The following ZNF492 variants were observed in gnomAD, a reference collection of about 807,000 sequenced individuals.
ZNF492 encodes the protein zinc finger protein 115 (Y20).
ZNF492 carries 3 observed loss-of-function variants against 6.4 expected under a neutral mutation model. The observed-to-expected ratio is 0.47, with a 90% CI of 0.21 to 1.22. The LOEUF (loss-of-function observed/expected upper bound fraction) is 1.22, where lower values mean the gene tolerates loss of function less well. Ranked by LOEUF, ZNF492 falls within the 50% of genes most tolerant of loss-of-function variation. ZNF492 has a pLI of 0.22. For synonymous variants in ZNF492, 112 were observed against 205.3 expected (o/e 0.55, Z 3.89); for missense variants, 356 against 612.5 (o/e 0.58, Z 4.42).
intron 1 of ZNF492, among the ~76,000 whole-genome samples, chr19:22,643,830 T>TA (rs1214425910): frequency 1.3e-5 from 2 of 152,164 alleles, no homozygotes; most frequent in Non-Finnish European, 2.9e-5. Flanking sequence ...GGGTTCAAGA[T>TA]ACATTTATGA....
intron 3 of ZNF492, among the ~76,000 whole-genome samples, chr19:22,657,842 C>G (rs929670883): frequency 2.6e-5 from 4 of 152,030 alleles, no homozygotes; most frequent in Non-Finnish European, 4.4e-5. Context: ...GTGTTTTTAT[C>G]TATAAATATG....
Position 22,634,401 on chromosome 19 carries a change from C to T in ZNF492, c.-167C>T. ...TCCTCTGGTCCTAGAGGCCCATCCTCTGTGGCCCTGTGACCTGCAGGTATT... is the reference window on the plus strand; with the variant it reads ...TCCTCTGGTCCTAGAGGCCCATCCTTTGTGGCCCTGTGACCTGCAGGTATT... On this transcript the variant is annotated 5_prime_UTR_variant, in exon 1 of 4. Coordinates refer to ENST00000456783, the MANE Select transcript of ZNF492 (RefSeq NM_020855.3). 1.5e-6 allele frequency: 2 copies of T among 1,310,762 alleles called. No individual in the cohort carries two copies. Among genetic ancestry groups the T allele is most frequent in the Admixed American group, 1.7e-5 (1 of 57,748 alleles). 81.2% of individuals were successfully genotyped at this position (1,310,762 alleles called of 1,614,324 possible).
At chr19:22,655,504 A>G (rs1971985267) in intron 3 of ZNF492, among the ~76,000 whole-genome samples, 1 of 151,912 alleles carries the variant, frequency 6.6e-6, no homozygotes, top group African/African-American at 2.4e-5. Context: ...TTTAAAGTGT[A>G]TGGAACCATA....
At chr19:22,653,803 A>G (rs1971966024) in intron 2 of ZNF492, 117 bp from the exon 3 acceptor site, 52 of 1,035,046 alleles carry the variant, frequency 5.0e-5, no homozygotes, top group Non-Finnish European at 7.0e-5. Flanking sequence ...TTTGTTGTGT[A>G]TTAGTATTTT....
chr19:22,655,828 T>G (rs1383882523), intron 3 of ZNF492, among the ~76,000 whole-genome samples: 20 of 139,474 alleles, frequency 1.4e-4, no homozygotes, highest in East Asian at 1.2e-3. Flanking sequence ...TTTTTTTTTT[T>G]TTTTTTTTTT....
chr19:22,660,601 A>G (rs1370730357), intron 3 of ZNF492, among the ~76,000 whole-genome samples: 1 of 149,772 alleles, frequency 6.7e-6, no homozygotes, highest in Non-Finnish European at 1.5e-5. Flanking sequence ...ACAGTTGTTT[A>G]TAATTTCTGT....
intron 1 of ZNF492, among the ~76,000 whole-genome samples, chr19:22,636,957 C>CTT (rs35144612): frequency 4.5e-4 from 48 of 106,496 alleles, no homozygotes; most frequent in African/African-American, 1.7e-3. Flanking sequence ...TTTAGTAAAC[C>CTT]TTTTTTTTTT....
intron 3 of ZNF492, among the ~76,000 whole-genome samples, chr19:22,660,205 T>G (rs1972044363): frequency 6.6e-6 from 1 of 152,200 alleles, no homozygotes; most frequent in South Asian, 2.1e-4. Context: ...TCTTGGTTTT[T>G]AAAATTTTTA....
At chr19:22,645,947 G>A (rs1218168167) in intron 1 of ZNF492, among the ~76,000 whole-genome samples, 1 of 152,164 alleles carries the variant, frequency 6.6e-6, no homozygotes, top group Admixed American at 6.5e-5. Flanking sequence ...CTTGAAGTCA[G>A]GTAGTGTGAT....
rs1402161335 is a variant in ZNF492 at position 22,662,668 on chromosome 19, A to G, written c.131-1132A>G. Among the ~76,000 whole-genome samples the G allele has an allele frequency of 4.0e-5, 6 of 148,948 alleles. No homozygotes were observed. In the East Asian group the frequency reaches 1.2e-3, roughly 29 times the overall value. On this transcript the variant is annotated intron_variant, in intron 3 of 3. Transcript: ENST00000456783. The stretch of plus-strand genomic sequence containing the variant: ...GTATCTCATTGTGGTTTTGATTTGC[A>G]TTTCTCGGATGGCCAGTGATGATGA...
intron 3 of ZNF492, among the ~76,000 whole-genome samples, chr19:22,659,468 T>C (rs1972032176): frequency 1.3e-5 from 2 of 151,652 alleles, no homozygotes; most frequent in Admixed American, 6.6e-5. Context: ...GAAAATGCAG[T>C]GTCAAAATAT....
chr19:22,666,195 T>TTTG lies in ZNF492; in HGVS notation c.*932_*933insGTT, dbSNP rs1972125213. The TTTG allele has an allele frequency of 6.7e-6, 1 of 148,910 alleles. No individual in the cohort carries two copies. The highest frequency in any genetic ancestry group is 1.5e-5 in the Non-Finnish European group (1 of 67,626). 9.2% of individuals were successfully genotyped at this position (148,910 alleles called of 1,614,324 possible). A position where few individuals can be genotyped will look rare whatever the true frequency, so the allele number is the denominator to read the frequency against. ...GTTTTTCTTTTTCTTCTTCTTTTTT[T>TTTG]TTTTTTTTTTAGATGGAGTCTTGCT... On this transcript the variant is annotated 3_prime_UTR_variant, in exon 4 of 4. Transcript: ENST00000456783.
chr19:22,652,018 T>C (rs1285450322), intron 1 of ZNF492, among the ~76,000 whole-genome samples: 2 of 152,142 alleles, frequency 1.3e-5, no homozygotes, highest in Non-Finnish European at 2.9e-5. Context: ...CTGGGCAATA[T>C]CATAGCAGTG....
intron 1 of ZNF492, among the ~76,000 whole-genome samples, chr19:22,645,166 C>T (rs2145247374): frequency 6.6e-6 from 1 of 152,122 alleles, no homozygotes; most frequent in Non-Finnish European, 1.5e-5. Flanking sequence ...CCTGCCCCAG[C>T]CTCCCGAGAA....
rs1035910931 is a variant in ZNF492, at chr19:22,665,827, GAAA to G, written c.*567_*569del. Reference sequence around the variant, plus strand: ...AATATTTTTGCATATACAGTAAATAGAAAAAAATATTTAATTCAATGGTAAGTT... The same window carrying G: ...AATATTTTTGCATATACAGTAAATAGAAAATATTTAATTCAATGGTAAGTT... On this transcript the variant is annotated 3_prime_UTR_variant, in exon 4 of 4. Transcript: ENST00000456783. The G allele has an allele frequency of 6.6e-6, 1 of 152,502 alleles. No individual in the cohort carries two copies. Among genetic ancestry groups the G allele is most frequent in the Admixed American group, 6.5e-5 (1 of 15,340 alleles). The allele number at this position is 152,502 out of a possible 1,614,324, so 9.4% of individuals were successfully genotyped here. A position where few individuals can be genotyped will look rare whatever the true frequency, so the allele number is the denominator to read the frequency against.
chr19:22,663,099 A>G (rs1972075524), intron 3 of ZNF492, among the ~76,000 whole-genome samples: 1 of 152,084 alleles, frequency 6.6e-6, no homozygotes, highest in African/African-American at 2.4e-5. Flanking sequence ...TCCATCTTGA[A>G]TTAATTTTTG....
At position 22,665,972 on chromosome 19, in the gene ZNF492, A is replaced by T. The variant is rs935541757; in HGVS notation, c.*707A>T. 2.0e-5 allele frequency: 3 copies of T among 152,152 alleles called. No individual in the cohort carries two copies. Among genetic ancestry groups the T allele is most frequent in the African/African-American group, 7.2e-5 (3 of 41,450 alleles). The allele number at this position is 152,152 out of a possible 1,614,324, so 9.4% of individuals were successfully genotyped here. A position where few individuals can be genotyped will look rare whatever the true frequency, so the allele number is the denominator to read the frequency against. On this transcript the variant is annotated 3_prime_UTR_variant, in exon 4 of 4. Transcript: ENST00000456783. ...ATCCAAAACTAAACTTGGCAGAAAA[A>T]TTATTTGTTTATAACTTTAAAAGAG...
chr19:22,636,188 C>T (rs1298743067), intron 1 of ZNF492, among the ~76,000 whole-genome samples: 1 of 151,982 alleles, frequency 6.6e-6, no homozygotes, highest in Non-Finnish European at 1.5e-5. Context: ...CAACCTCCGC[C>T]TCCCAGGTTC....
At chr19:22,656,489 C>CAGA (rs1971997889) in intron 3 of ZNF492, among the ~76,000 whole-genome samples, 1 of 151,988 alleles carries the variant, frequency 6.6e-6, no homozygotes, top group Non-Finnish European at 1.5e-5. Flanking sequence ...TCTACATAGG[C>CAGA]AGAACTTGCC....
Sources: gnomAD v4.1 joint callset for allele counts (sites outside exome capture counted in the v4.1 genomes callset) on GRCh38, gnomAD v4.1.1 for gene constraint, MANE v1.5 for transcripts, NCBI Gene and HGNC (gene_info 2026-07-23, HGNC 2026-07-21) for gene names.